The following PCDH11X variants were observed in gnomAD, a reference collection of about 807,000 sequenced individuals.
The protein encoded by PCDH11X is protocadherin 11 X-linked, also known as protocadherin-11 X-linked.
PCDH11X carries 18 observed loss-of-function variants against 53.3 expected under a neutral mutation model. The observed-to-expected ratio is 0.34, with a 90% CI of 0.23 to 0.50. The LOEUF (loss-of-function observed/expected upper bound fraction) is 0.50. PCDH11X is among the 20% of genes least tolerant of loss of function. PCDH11X has a pLI of 0.98. For synonymous variants in PCDH11X, 279 were observed against 393.3 expected (o/e 0.71, Z 3.44); for missense variants, 570 against 1,032.4 (o/e 0.55, Z 6.14).
rs560072659 is a variant in PCDH11X at position 91,803,588 on chromosome X, A to G, written c.-378-5878A>G. Among the ~76,000 whole-genome samples, 148 of 111,651 alleles carry G rather than the reference A, an allele frequency of 1.3e-3. 1 individual carries two copies. In the South Asian group the frequency reaches 0.054, roughly 40 times the overall value. On this transcript the variant is annotated intron_variant, in intron 1 of 10. Coordinates refer to ENST00000682573, the MANE Select transcript of PCDH11X (RefSeq NM_032968.5). ...TCAAATTTTAGTTGTATACCTTAAT[A>G]GGTCTGTGACCTTGGGCAAGTTATT... is the stretch of plus-strand genomic sequence containing the variant.
At position 91,878,459 on chromosome X, in the gene PCDH11X, A is replaced by T. The variant is rs764946502; in HGVS notation, c.2219A>T (p.Asp740Val). ...AACATAACATTGATGGAGAAATGTG[A>T]TGTTACAGACCTTGGTTTACACAGA... is the stretch of plus-strand genomic sequence containing the variant. ...TGNITLMEKC[D>V]VTDLGLHRVL... The change falls in exon 6 of 11, where the codon GAT becomes GTT. Residue 740 changes from aspartate (D) to valine (V), a missense_variant. Physicochemically the swap from Asp to Val is radical, Grantham distance 152. Coordinates refer to ENST00000682573, the MANE Select transcript of PCDH11X (RefSeq NM_032968.5). The T allele has an allele frequency of 6.6e-6, 8 of 1,207,916 alleles. No homozygotes were observed. The highest frequency in any genetic ancestry group is 7.8e-6 in the Non-Finnish European group (7 of 893,663).
At chrX:92,552,963 A>G (rs2074983720) in intron 10 of PCDH11X, among the ~76,000 whole-genome samples, 1 of 105,407 alleles carries the variant, frequency 9.5e-6, no homozygotes, top group Admixed American at 1.0e-4. Context: ...TTTTGCATCA[A>G]TACTCATCAC....
chrX:92,334,913 G>C (rs1221253114), intron 8 of PCDH11X, among the ~76,000 whole-genome samples: 1 of 109,928 alleles, frequency 9.1e-6, no homozygotes, highest in Non-Finnish European at 1.9e-5. Context: ...AAGGCTTTCA[G>C]TCAACAGTAG....
intron 8 of PCDH11X, among the ~76,000 whole-genome samples, chrX:92,382,606 A>C (rs1419665757): frequency 9.0e-6 from 1 of 111,572 alleles, no homozygotes; most frequent in Non-Finnish European, 1.9e-5. Context: ...TATGTGAATG[A>C]CACCAATATA....
intron 8 of PCDH11X, among the ~76,000 whole-genome samples, chrX:92,333,421 A>G (rs1463297448): frequency 9.0e-6 from 1 of 111,617 alleles, no homozygotes; most frequent in Non-Finnish European, 1.9e-5. Context: ...TCGAGGCAGC[A>G]TTCTGTACTA....
At chrX:92,165,956 A>C (rs1308226612) in intron 6 of PCDH11X, among the ~76,000 whole-genome samples, 1 of 111,325 alleles carries the variant, frequency 9.0e-6, no homozygotes, top group African/African-American at 3.3e-5. Context: ...TTTGCATTAC[A>C]TAAAGTTTCC....
chrX:92,023,279 A>T (rs1481874846), intron 6 of PCDH11X, among the ~76,000 whole-genome samples: 7 of 109,336 alleles, frequency 6.4e-5, no homozygotes, highest in Non-Finnish European at 1.3e-4. Flanking sequence ...CACTAGCTAG[A>T]CTAATAAAGA....
rs749873812 is a variant in PCDH11X, at chrX:92,067,996, C to T, written c.3034-133379C>T. Among the ~76,000 whole-genome samples, 7 of 108,991 alleles carry T rather than the reference C, an allele frequency of 6.4e-5. No homozygotes were observed. In the East Asian group the frequency reaches 1.2e-3, roughly 18 times the overall value. 94.6% of individuals were successfully genotyped at this position (108,991 alleles called of 115,157 possible). A position where few individuals can be genotyped will look rare whatever the true frequency, so the allele number is the denominator to read the frequency against. ...GATGATTCTTTGAATTTGTGGTATC[C>T]GTTGTAATGTCTCCTTTTTCATCTC... On this transcript the variant is annotated intron_variant, in intron 6 of 10. Coordinates refer to ENST00000682573, the MANE Select transcript of PCDH11X (RefSeq NM_032968.5).
chrX:91,974,344 TG>T (rs1465217427), intron 6 of PCDH11X, among the ~76,000 whole-genome samples: 5 of 110,762 alleles, frequency 4.5e-5, no homozygotes, highest in Non-Finnish European at 9.4e-5. Flanking sequence ...ATAACCTTTG[TG>T]GTGCACCATA....
intron 6 of PCDH11X, among the ~76,000 whole-genome samples, chrX:92,005,971 C>A (rs1320562103): frequency 1.8e-5 from 2 of 111,947 alleles, no homozygotes; most frequent in African/African-American, 6.5e-5. Flanking sequence ...AGTCAACTGC[C>A]AGATATATTG....
At chrX:91,823,540 T>C (rs372619092) in intron 4 of PCDH11X, among the ~76,000 whole-genome samples, 324 of 111,466 alleles carry the variant, frequency 2.9e-3, no homozygotes, top group South Asian at 8.0e-3. Context: ...GATCTTCCTC[T>C]ATCCTTTTAT....
chrX:92,392,248 A>C (rs960936562), intron 9 of PCDH11X, among the ~76,000 whole-genome samples: 7 of 111,355 alleles, frequency 6.3e-5, no homozygotes, highest in Admixed American at 9.6e-5. Flanking sequence ...TAGAGTTTCA[A>C]GAACATTTAG....
intron 6 of PCDH11X, among the ~76,000 whole-genome samples, chrX:92,009,012 C>A (rs2062646642): frequency 8.9e-6 from 1 of 111,872 alleles, no homozygotes; most frequent in Non-Finnish European, 1.9e-5. Flanking sequence ...CAAACTCATC[C>A]CACAAATACT....
intron 1 of PCDH11X, among the ~76,000 whole-genome samples, chrX:91,783,361 T>C (rs1240952389): frequency 8.9e-6 from 1 of 111,952 alleles, no homozygotes; most frequent in African/African-American, 3.2e-5. Context: ...CTTGGCCTTT[T>C]TGTCACCGGA....
At chrX:92,277,970 A>G (rs970559689) in intron 8 of PCDH11X, among the ~76,000 whole-genome samples, 14 of 111,925 alleles carry the variant, frequency 1.3e-4, no homozygotes, top group African/African-American at 2.9e-4. Context: ...TTTGAAACAT[A>G]GGTGAATAAT....
chrX:92,397,609 T>C (rs1416269801), intron 9 of PCDH11X, among the ~76,000 whole-genome samples: 11 of 100,582 alleles, frequency 1.1e-4, no homozygotes, highest in Non-Finnish European at 2.1e-4. Context: ...TTAAAGAATG[T>C]AGCTAATTAA....
At chrX:92,228,415 AT>A (rs1445727308) in intron 7 of PCDH11X, among the ~76,000 whole-genome samples, 1 of 111,208 alleles carries the variant, frequency 9.0e-6, no homozygotes, top group Non-Finnish European at 1.9e-5. Flanking sequence ...CTACATTCAA[AT>A]TTTTCAGTAA....
At chrX:91,806,219 A>AT (rs769704358) in intron 1 of PCDH11X, among the ~76,000 whole-genome samples, 11 of 114,181 alleles carry the variant, frequency 9.6e-5, no homozygotes, top group Non-Finnish European at 1.7e-4. Flanking sequence ...ACTTGCTAGA[A>AT]TAAAAAAAAA....
At chrX:92,504,720 C>G (rs769505815) in intron 10 of PCDH11X, among the ~76,000 whole-genome samples, 1 of 112,193 alleles carries the variant, frequency 8.9e-6, no homozygotes, top group South Asian at 3.7e-4. Context: ...GGGAAATCAC[C>G]AAACTGCTTT....
Sources: gnomAD v4.1 joint callset for allele counts (sites outside exome capture counted in the v4.1 genomes callset) on GRCh38, gnomAD v4.1.1 for gene constraint, MANE v1.5 for transcripts, NCBI Gene and HGNC (gene_info 2026-07-23, HGNC 2026-07-21) for gene names.